Variants in LRTM3 observed in about 807,000 individuals in gnomAD.
LRTM3 encodes the protein leucine-rich repeat transmembrane protein 3.
chr13:102,740,606 T>C, the LRTM3 span: 3 of 1,548,944 alleles, frequency 1.9e-6, no homozygotes, highest in Middle Eastern at 1.7e-4. Context: ...TTTCACTGCT[T>C]CTCTTGTCTG....
the LRTM3 span, chr13:102,732,756 C>T: frequency 6.4e-7 from 1 of 1,551,326 alleles, no homozygotes; most frequent in Non-Finnish European, 8.7e-7. Flanking sequence ...TCTGTTTTCT[C>T]TTCTTGCAGA....
the LRTM3 span, chr13:102,742,441 C>T: frequency 2.6e-6 from 4 of 1,547,978 alleles, no homozygotes; most frequent in Admixed American, 7.9e-5. Context: ...GGGCAAATGT[C>T]TTGGGATCTG....
chr13:102,729,416 G>C, the LRTM3 span: 1 of 1,393,212 alleles, frequency 7.2e-7, no homozygotes, highest in Non-Finnish European at 9.4e-7. Flanking sequence ...ATAGCGACCA[G>C]CTGTCCACTT....
At chr13:102,736,094 T>G in the LRTM3 span, 2 of 1,541,412 alleles carry the variant, frequency 1.3e-6, no homozygotes, top group Non-Finnish European at 1.8e-6. Context: ...TAGTATTACT[T>G]TATGTGAGCT....
chr13:102,729,992 T>C, the LRTM3 span: 1 of 1,551,766 alleles, frequency 6.4e-7, no homozygotes, highest in Non-Finnish European at 8.7e-7. Context: ...CCATGAAATC[T>C]TCTCTTCACT....
chr13:102,746,714 A>C, the LRTM3 span: 1 of 1,551,130 alleles, frequency 6.4e-7, no homozygotes, highest in Non-Finnish European at 8.7e-7. Flanking sequence ...AGTTGCTGGT[A>C]AATCTTTTGG....
chr13:102,744,625 C>T, the LRTM3 span: 24 of 1,550,628 alleles, frequency 1.5e-5, no homozygotes, highest in East Asian at 4.9e-5. Context: ...CGGGACTCTT[C>T]GGTTCAGATC....
At chr13:102,735,391 G>C in the LRTM3 span, 268 of 1,551,136 alleles carry the variant, frequency 1.7e-4, no homozygotes, top group Non-Finnish European at 2.1e-4. Flanking sequence ...GTGACTGTGG[G>C]AGAGACACTT....
chr13:102,740,068 A>G, the LRTM3 span: 2 of 1,550,164 alleles, frequency 1.3e-6, no homozygotes, highest in East Asian at 2.4e-5. Context: ...TGGATGCAGA[A>G]AGAGAATGTA....
chr13:102,758,422 G>A, the LRTM3 span: 1 of 1,532,878 alleles, frequency 6.5e-7, no homozygotes, highest in African/African-American at 1.4e-5. Context: ...TTCTCCTGAA[G>A]ATGAATTAAT....
the LRTM3 span, chr13:102,742,210 T>C: frequency 6.4e-7 from 1 of 1,550,590 alleles, no homozygotes; most frequent in South Asian, 1.2e-5. Context: ...GGATGTTACC[T>C]CTCAGTTCTT....
chr13:102,734,906 T>A, the LRTM3 span: 1 of 1,551,208 alleles, frequency 6.4e-7, no homozygotes, highest in Non-Finnish European at 8.7e-7. Context: ...TGACACATGT[T>A]TTCCTTTTTG....
chr13:102,745,383 C>T, the LRTM3 span: 1 of 1,550,578 alleles, frequency 6.4e-7, no homozygotes, highest in Non-Finnish European at 8.7e-7. Flanking sequence ...TCTGTTTCTA[C>T]CTTGCTATAC....
chr13:102,758,299 G>A, the LRTM3 span: 1 of 667,180 alleles, frequency 1.5e-6, no homozygotes, highest in Non-Finnish European at 2.5e-6. Flanking sequence ...TCATGATATT[G>A]AACAGCTAGG....
the LRTM3 span, chr13:102,729,424 C>A: frequency 2.8e-6 from 4 of 1,428,308 alleles, no homozygotes; most frequent in Non-Finnish European, 3.7e-6. Context: ...CAGCTGTCCA[C>A]TTCAGAGGAG....
At chr13:102,732,004 A>G in the LRTM3 span, 1 of 1,550,806 alleles carries the variant, frequency 6.4e-7, no homozygotes, top group African/African-American at 1.4e-5. Context: ...TATTCATTTC[A>G]CTTCTGAGGT....
At chr13:102,730,521 G>C in the LRTM3 span, 1 of 1,551,230 alleles carries the variant, frequency 6.4e-7, no homozygotes, top group Non-Finnish European at 8.7e-7. Context: ...TTTTTTTCTG[G>C]AGTCACATGG....
chr13:102,755,942 C>CATATATAT, the LRTM3 span, among the ~76,000 whole-genome samples: 1 of 52,792 alleles, frequency 1.9e-5, no homozygotes, highest in Non-Finnish European at 4.2e-5. Context: ...TATATATATA[C>CATATATAT]ATATATATAT....
chr13:102,734,722 T>G, the LRTM3 span: 3 of 1,551,022 alleles, frequency 1.9e-6, no homozygotes, highest in African/African-American at 1.4e-5. Context: ...GTCTTAGCAT[T>G]TCATTACCTA....
Sources: gnomAD v4.1 joint callset for allele counts (sites outside exome capture counted in the v4.1 genomes callset) on GRCh38, gnomAD v4.1.1 for gene constraint, MANE v1.5 for transcripts, NCBI Gene and HGNC (gene_info 2026-07-23, HGNC 2026-07-21) for gene names.